The following GAREM1 variants were observed in gnomAD, a reference collection of about 807,000 sequenced individuals.
GAREM1 encodes the protein GRB2 associated regulator of MAPK1 subtype 1.
Under a neutral mutation model 71.3 loss-of-function variants are expected in GAREM1, and 26 were observed. The ratio of observed to expected loss-of-function variants is 0.36; its 90% CI spans 0.27 to 0.51. The LOEUF (loss-of-function observed/expected upper bound fraction) is 0.51, where lower values mean the gene tolerates loss of function less well. Among genes scored for constraint, GAREM1 ranks in the 20% least tolerant of loss-of-function variants. The pLI, the probability that GAREM1 is intolerant of heterozygous loss-of-function variation, is 0.95. For missense variants in GAREM1, 1,026 were observed against 1,103.1 expected (o/e 0.93, Z 0.99); for synonymous variants, 440 against 433.2 (o/e 1.02, Z -0.20).
chr18:32,378,232 G>A (rs1052978749), intron 2 of GAREM1, among the ~76,000 whole-genome samples: 11 of 152,064 alleles, frequency 7.2e-5, no homozygotes, highest in Non-Finnish European at 1.5e-4. Context: ...GGGCATGGTG[G>A]CTCACGCCTA....
intron 2 of GAREM1, among the ~76,000 whole-genome samples, chr18:32,333,179 T>G (rs2047554392): frequency 7.0e-6 from 1 of 143,628 alleles, no homozygotes; most frequent in Admixed American, 7.0e-5. Flanking sequence ...AGAGAGACAT[T>G]AAGAGGAGGG....
At chr18:32,415,241 C>A (rs1157470612) in intron 1 of GAREM1, among the ~76,000 whole-genome samples, 1 of 151,948 alleles carries the variant, frequency 6.6e-6, no homozygotes, top group Non-Finnish European at 1.5e-5. Flanking sequence ...AAGCCCTGGA[C>A]CTGATGGCTT....
intron 1 of GAREM1, among the ~76,000 whole-genome samples, chr18:32,398,430 A>G (rs1486317854): frequency 6.6e-6 from 1 of 152,218 alleles, no homozygotes; most frequent in Non-Finnish European, 1.5e-5. Context: ...CAAGACTAAT[A>G]AAGAAGAAAA....
At chr18:32,414,756 T>C (rs1280442398) in intron 1 of GAREM1, among the ~76,000 whole-genome samples, 1 of 151,974 alleles carries the variant, frequency 6.6e-6, no homozygotes, top group East Asian at 1.9e-4. Flanking sequence ...TAAATGCCTA[T>C]ATCAAAAAGG....
At chr18:32,448,012 A>G (rs2048800428) in intron 1 of GAREM1, among the ~76,000 whole-genome samples, 1 of 152,206 alleles carries the variant, frequency 6.6e-6, no homozygotes, top group African/African-American at 2.4e-5. Context: ...TGTAAAATGA[A>G]AATTATGTCA....
chr18:32,437,008 C>G (rs2048686594), intron 1 of GAREM1, among the ~76,000 whole-genome samples: 2 of 152,142 alleles, frequency 1.3e-5, no homozygotes, highest in Non-Finnish European at 2.9e-5. Context: ...AGCACCTGCA[C>G]AGAGAGAGCC....
At chr18:32,427,623 C>A (rs1266816087) in intron 1 of GAREM1, among the ~76,000 whole-genome samples, 1 of 152,182 alleles carries the variant, frequency 6.6e-6, no homozygotes, top group East Asian at 1.9e-4. Flanking sequence ...CTCCAAGGGA[C>A]TGTATCATTA....
At chr18:32,301,890 TAA>T (rs1268589701) in intron 3 of GAREM1, among the ~76,000 whole-genome samples, 1 of 152,158 alleles carries the variant, frequency 6.6e-6, no homozygotes. Context: ...TTACTATTAA[TAA>T]GATATAAAAA....
At position 32,314,612 on chromosome 18, in the gene GAREM1, G is replaced by A. The variant is rs180785189; in HGVS notation, c.263-4289C>T. ...GTTGTTGTTTTTTTTTTTTTGAGACGGAGTCTCGCTCTGTCTCCCAGGCTG... is the reference window on the plus strand; with the variant it reads ...GTTGTTGTTTTTTTTTTTTTGAGACAGAGTCTCGCTCTGTCTCCCAGGCTG... On this transcript the variant is annotated intron_variant, in intron 2 of 5. Transcript: ENST00000269209. Among the ~76,000 whole-genome samples the A allele has an allele frequency of 3.2e-3, 474 of 146,804 alleles. 2 individuals are homozygous for A. The highest frequency in any genetic ancestry group is 0.014 in the Middle Eastern group (4 of 276).
intron 2 of GAREM1, among the ~76,000 whole-genome samples, chr18:32,388,924 G>A (rs566774843): frequency 2.0e-5 from 3 of 152,270 alleles, no homozygotes; most frequent in South Asian, 2.1e-4. Flanking sequence ...TGCTACCAGT[G>A]CTGTGGTTAT....
chr18:32,394,597 C>T (rs1358433259), intron 1 of GAREM1, among the ~76,000 whole-genome samples: 2 of 152,086 alleles, frequency 1.3e-5, no homozygotes, highest in Admixed American at 1.3e-4. Context: ...GACTATGCTG[C>T]CCATCACCTC....
chr18:32,415,402 AAAACAAACAAAC>A (rs141783432), intron 1 of GAREM1, among the ~76,000 whole-genome samples: 3 of 152,048 alleles, frequency 2.0e-5, no homozygotes, highest in East Asian at 1.9e-4. Context: ...AAGGCACATC[AAAACAAACAAAC>A]AAACAAACAA....
chr18:32,341,547 T>G (rs2047647826), intron 2 of GAREM1, among the ~76,000 whole-genome samples: 1 of 152,200 alleles, frequency 6.6e-6, no homozygotes, highest in Non-Finnish European at 1.5e-5. Flanking sequence ...CCTTGAGGAA[T>G]CATCACACTA....
intron 2 of GAREM1, among the ~76,000 whole-genome samples, chr18:32,386,603 AATCTGTTCATCCATGATGACAGT>A (rs759397025): frequency 3.4e-4 from 51 of 152,230 alleles, no homozygotes; most frequent in Non-Finnish European, 5.6e-4. Flanking sequence ...TTCAAGTAGC[AATCTGTTCATCCATGATGACAGT>A]ATCTGTTCAT....
At chr18:32,437,801 A>C (rs140867734) in intron 1 of GAREM1, among the ~76,000 whole-genome samples, 4 of 152,216 alleles carry the variant, frequency 2.6e-5, no homozygotes, top group Non-Finnish European at 5.9e-5. Context: ...AATAGCAAAT[A>C]TAAGTTTTAA....
chr18:32,347,761 A>G (rs1187631891), intron 2 of GAREM1, among the ~76,000 whole-genome samples: 3 of 152,246 alleles, frequency 2.0e-5, no homozygotes, highest in Admixed American at 6.5e-5. Context: ...CAGAGTTTAT[A>G]AGACAGTTCT....
At chr18:32,271,155 A>G (rs1171681865) in intron 4 of GAREM1, among the ~76,000 whole-genome samples, 3 of 151,950 alleles carry the variant, frequency 2.0e-5, no homozygotes, top group Non-Finnish European at 4.4e-5. Context: ...GGCATGAGCC[A>G]CCGTTCCTGG....
intron 4 of GAREM1, among the ~76,000 whole-genome samples, chr18:32,286,121 A>G (rs2047014944): frequency 6.6e-6 from 1 of 152,248 alleles, no homozygotes; most frequent in Non-Finnish European, 1.5e-5. Flanking sequence ...TTTCTCCCTC[A>G]GGGATAATGA....
chr18:32,384,978 A>G (rs893852868), intron 2 of GAREM1, among the ~76,000 whole-genome samples: 6 of 152,186 alleles, frequency 3.9e-5, no homozygotes, highest in African/African-American at 1.2e-4. Flanking sequence ...GAGGAAGAGA[A>G]TAACATTTTT....
Sources: allele counts gnomAD v4.1 joint callset (sites outside exome capture counted in the v4.1 genomes callset), GRCh38; gene constraint gnomAD v4.1.1; transcripts MANE v1.5; gene names NCBI Gene and HGNC (gene_info 2026-07-23, HGNC 2026-07-21).